TMEM116: variants seen among roughly 807,000 people sequenced by gnomAD.
TMEM116 encodes the protein transmembrane protein 116.
A neutral mutation model predicts 44.3 loss-of-function variants in TMEM116; 38 were observed. That is an observed-to-expected ratio of 0.86 (90% CI 0.66 to 1.12). The LOEUF (loss-of-function observed/expected upper bound fraction) is 1.12, where lower values mean the gene tolerates loss of function less well. Among genes scored for constraint, TMEM116 ranks in the 50% most tolerant of loss-of-function variants. The pLI is 0.00. For missense variants in TMEM116, 354 were observed against 401.7 expected (o/e 0.88, Z 1.01); for synonymous variants, 132 against 144.8 (o/e 0.91, Z 0.64).
At chr12:111,945,073 T>TCA (rs2073144208) in intron 4 of TMEM116, among the ~76,000 whole-genome samples, 2 of 56,630 alleles carry the variant, frequency 3.5e-5, no homozygotes, top group African/African-American at 6.8e-5. Flanking sequence ...AGACTCCATC[T>TCA]AAAAAAAAAA....
intron 1 of TMEM116, among the ~76,000 whole-genome samples, chr12:112,008,855 A>T (rs1013490988): frequency 6.6e-6 from 1 of 151,894 alleles, no homozygotes; most frequent in Non-Finnish European, 1.5e-5. Context: ...GGTGCCTGTA[A>T]TGCCAGCTAT....
At position 111,969,724 on chromosome 12, in the gene TMEM116, C is replaced by T. The variant is rs193130047; in HGVS notation, c.210+22034G>A. Among the ~76,000 whole-genome samples, 120 of 152,228 alleles carry T rather than the reference C, an allele frequency of 7.9e-4. 1 individual carries two copies. The highest frequency in any genetic ancestry group is 2.8e-3 in the African/African-American group (118 of 41,550). On this transcript the variant is annotated intron_variant, in intron 4 of 10. Coordinates refer to ENST00000552374, the MANE Select transcript of TMEM116 (RefSeq NM_001193531.2). The stretch of plus-strand genomic sequence containing the variant: ...TCCCGAGTAGCTGGGACTACAAGTG[C>T]CCGCCACTGCGCCCGGCTAAATTTT...
intron 3 of TMEM116, among the ~76,000 whole-genome samples, chr12:111,997,412 A>T (rs997672249): frequency 1.3e-5 from 2 of 152,104 alleles, no homozygotes; most frequent in Admixed American, 6.6e-5. Flanking sequence ...ATTAAAAAAA[A>T]TAGCTGGCTA....
At chr12:111,958,277 TAAA>T (rs61637468) in intron 4 of TMEM116, among the ~76,000 whole-genome samples, 318 of 27,432 alleles carry the variant, frequency 0.012, no homozygotes, top group African/African-American at 0.035. Context: ...CAATAAATAC[TAAA>T]AAAAAAAAAA....
At chr12:111,987,058 A>T (rs2136577199) in intron 4 of TMEM116, among the ~76,000 whole-genome samples, 1 of 152,344 alleles carries the variant, frequency 6.6e-6, no homozygotes, top group Middle Eastern at 3.4e-3. Flanking sequence ...AACAAAATTT[A>T]TAAAACTTAT....
At chr12:111,970,488 C>T (rs2075268763) in intron 4 of TMEM116, among the ~76,000 whole-genome samples, 1 of 151,794 alleles carries the variant, frequency 6.6e-6, no homozygotes, top group Non-Finnish European at 1.5e-5. Flanking sequence ...CTTTCCAAAT[C>T]TTATGAAGAC....
At chr12:111,963,242 A>T (rs1404875150) in intron 4 of TMEM116, among the ~76,000 whole-genome samples, 1 of 152,228 alleles carries the variant, frequency 6.6e-6, no homozygotes, top group Non-Finnish European at 1.5e-5. Context: ...AAATTAGTTC[A>T]ACCATTGTGG....
Position 111,938,334 on chromosome 12 carries a change from A to G in TMEM116, c.316-124T>C, listed in dbSNP as rs2072342503. The G allele has an allele frequency of 4.9e-6, 3 of 607,734 alleles. No homozygotes were observed. In the South Asian group the frequency reaches 9.1e-5, roughly 19 times the overall value. The allele number at this position is 607,734 out of a possible 1,614,324, so 37.6% of individuals were successfully genotyped here. A position where few individuals can be genotyped will look rare whatever the true frequency, so the allele number is the denominator to read the frequency against. ...TTCCAAAAGCCAGTTTGCTTCTGTC[A>G]AGCAATATTTGCTATAAAATTCATC... On this transcript the variant is annotated intron_variant, in intron 5 of 10. Transcript: ENST00000552374.
rs145433427 is a variant in TMEM116 at position 111,940,480 on chromosome 12, T to TACACACAC, written c.316-2278_316-2271dup. ...TGCCCCCCACATATATATATATACA[T>TACACACAC]ACACACACACACACACACATATATA... On this transcript the variant is annotated intron_variant, in intron 5 of 10. Coordinates refer to ENST00000552374, the MANE Select transcript of TMEM116 (RefSeq NM_001193531.2). 2.2e-3 allele frequency among the ~76,000 whole-genome samples: 279 copies of TACACACAC among 128,922 alleles called. 8 individuals are homozygous for TACACACAC. In the East Asian group the frequency reaches 0.05, roughly 23 times the overall value. 84.6% of individuals were successfully genotyped at this position (128,922 alleles called of 152,430 possible).
At chr12:111,948,073 C>T (rs1024788164) in intron 4 of TMEM116, among the ~76,000 whole-genome samples, 3 of 152,038 alleles carry the variant, frequency 2.0e-5, no homozygotes, top group Admixed American at 6.6e-5. Context: ...AAAAACTGGT[C>T]GGGCCAAGGA....
At chr12:111,941,270 G>T (rs1343419084) in intron 5 of TMEM116, among the ~76,000 whole-genome samples, 1 of 152,048 alleles carries the variant, frequency 6.6e-6, no homozygotes, top group Non-Finnish European at 1.5e-5. Context: ...TAGCTACTTG[G>T]GGGGCTGAGA....
At position 111,934,038 on chromosome 12, in the gene TMEM116, T is replaced by A. The variant is rs753462703; in HGVS notation, c.589-8A>T. 2 of 1,614,034 alleles carry A rather than the reference T, an allele frequency of 1.2e-6. No homozygotes were observed. The highest frequency in any genetic ancestry group is 1.7e-6 in the Non-Finnish European group (2 of 1,179,970). ...GGCTCGGATAAGTAAGACCTAAATA[T>A]GAGTACAGCAGTGAGCAGTTTGCTT... On this transcript the variant is annotated splice_polypyrimidine_tract_variant and splice_region_variant and intron_variant, in intron 8 of 10. Coordinates refer to ENST00000552374, the MANE Select transcript of TMEM116 (RefSeq NM_001193531.2).
rs538760993 is a variant in TMEM116 at position 111,954,553 on chromosome 12, C to T, written c.211-11184G>A. 5.3e-5 allele frequency among the ~76,000 whole-genome samples: 8 copies of T among 152,248 alleles called. No homozygotes were observed. The East Asian group carries it at 1.3e-3, about 26-fold the overall frequency. Reference sequence around the variant, plus strand: ...GAACCTTGTCATTATTCTTATTTTACAAGATAAAACTAAGACTTAGAGAAG... The same window carrying T: ...GAACCTTGTCATTATTCTTATTTTATAAGATAAAACTAAGACTTAGAGAAG... On this transcript the variant is annotated intron_variant, in intron 4 of 10. Transcript: ENST00000552374.
At position 111,991,895 on chromosome 12, in the gene TMEM116, A is replaced by G. The variant is rs2076626979; in HGVS notation, c.79-6T>C. 1 of 1,534,076 alleles carries G rather than the reference A, an allele frequency of 6.5e-7. No homozygotes were observed. On this transcript the variant is annotated splice_region_variant and splice_polypyrimidine_tract_variant and intron_variant, in intron 3 of 10. Transcript: ENST00000552374. ...AGATAAAAAAGTGGTCTTATCTGTC[A>G]AAGTAATAAAATCCTCATTTCATAT...
chr12:111,979,053 T>C (rs1026907417), intron 4 of TMEM116, among the ~76,000 whole-genome samples: 2 of 152,154 alleles, frequency 1.3e-5, no homozygotes, highest in Admixed American at 6.5e-5. Flanking sequence ...AAAAGTTCTA[T>C]AAAATGTCTA....
chr12:111,950,469 T>TAA lies in TMEM116; in HGVS notation c.211-7102_211-7101dup, dbSNP rs34167575. On this transcript the variant is annotated intron_variant, in intron 4 of 10. Transcript: ENST00000552374. ...CAGATAACTTGACAAGATCTGATCTTAAAAAAAAAAAAAAAAAAAATCCTT... is the reference window on the plus strand; with the variant it reads ...CAGATAACTTGACAAGATCTGATCTTAAAAAAAAAAAAAAAAAAAAAATCCTT... Among the ~76,000 whole-genome samples, 71 of 124,604 alleles carry TAA rather than the reference T, an allele frequency of 5.7e-4. 1 individual carries two copies. The South Asian group carries it at 9.7e-3, about 17-fold the overall frequency. 81.7% of individuals were successfully genotyped at this position (124,604 alleles called of 152,430 possible). A position where few individuals can be genotyped will look rare whatever the true frequency, so the allele number is the denominator to read the frequency against.
At chr12:111,983,368 G>A (rs907498446) in intron 4 of TMEM116, among the ~76,000 whole-genome samples, 1 of 152,072 alleles carries the variant, frequency 6.6e-6, no homozygotes, top group African/African-American at 2.4e-5. Context: ...CCTGGGAGGC[G>A]GAGGCGGAGG....
chr12:111,992,414 C>T (rs995053131), intron 3 of TMEM116, among the ~76,000 whole-genome samples: 3 of 152,026 alleles, frequency 2.0e-5, no homozygotes, highest in Non-Finnish European at 2.9e-5. Flanking sequence ...GGACTACAGG[C>T]GCCCAGCACC....
intron 4 of TMEM116, among the ~76,000 whole-genome samples, chr12:111,991,217 C>CAA (rs59103081): frequency 2.8e-3 from 174 of 62,306 alleles, no homozygotes; most frequent in Middle Eastern, 0.011. Flanking sequence ...GACTCTGTCT[C>CAA]AAAAAAAAAA....
Sources: gnomAD v4.1 joint callset for allele counts (sites outside exome capture counted in the v4.1 genomes callset) on GRCh38, gnomAD v4.1.1 for gene constraint, MANE v1.5 for transcripts, NCBI Gene and HGNC (gene_info 2026-07-23, HGNC 2026-07-21) for gene names.